Variants in ACYP2 observed in about 807,000 individuals in gnomAD.
ACYP2 encodes acylphosphatase-2.
In ACYP2, 12 loss-of-function variants were observed where a neutral mutation model predicts 11.2. The ratio of observed to expected loss-of-function variants is 1.08; its 90% CI spans 0.69 to 1.74. The LOEUF (loss-of-function observed/expected upper bound fraction) is 1.74. Among genes scored for constraint, ACYP2 ranks in the 40% most tolerant of loss-of-function variants. The pLI is 0.00. For missense variants in ACYP2, 134 were observed against 101.9 expected (o/e 1.31, Z -1.35); for synonymous variants, 43 against 32.2 (o/e 1.33, Z -1.13).
In ACYP2 at chr2:54,094,593, A is replaced by G. The variant is rs1258043714; in HGVS notation, c.277+37233A>G. On this transcript the variant is annotated intron_variant, in intron 4 of 6. Transcript: ENST00000607452. ...TGCTCTATCGCCCAGGCTGGAAGGC[A>G]GTGGCACCATCTCGGCTCACTGCAG... Among the ~76,000 whole-genome samples, 3 of 150,350 alleles carry G rather than the reference A, an allele frequency of 2.0e-5. No homozygotes were observed. The East Asian group carries it at 6.0e-4, about 30-fold the overall frequency.
At chr2:54,263,057 G>A (rs1687850824) in intron 6 of ACYP2, among the ~76,000 whole-genome samples, 1 of 152,124 alleles carries the variant, frequency 6.6e-6, no homozygotes, top group African/African-American at 2.4e-5. Flanking sequence ...TGTGTGTTAG[G>A]TCATTCTTGA....
chr2:54,293,345 T>G (rs1397470285), intron 6 of ACYP2, among the ~76,000 whole-genome samples: 2 of 152,238 alleles, frequency 1.3e-5, no homozygotes, highest in Non-Finnish European at 2.9e-5. Context: ...TTACAGGTTA[T>G]AGTCATCCCC....
chr2:54,020,816 G>A (rs1673968085), intron 2 of ACYP2, among the ~76,000 whole-genome samples: 1 of 152,162 alleles, frequency 6.6e-6, no homozygotes, highest in South Asian at 2.1e-4. Flanking sequence ...TTTTTGAATA[G>A]CATCTATGTT....
At chr2:54,076,696 A>T (rs11125520) in intron 4 of ACYP2, among the ~76,000 whole-genome samples, 56,944 of 152,024 alleles carry the variant, frequency 0.37, 11,434 homozygotes, top group East Asian at 0.68. Context: ...GAACTCATAG[A>T]CCTGGAGATG....
intron 6 of ACYP2, among the ~76,000 whole-genome samples, chr2:54,291,381 G>A (rs1007933254): frequency 6.6e-6 from 1 of 151,954 alleles, no homozygotes; most frequent in South Asian, 2.1e-4. Flanking sequence ...ATACAGACCG[G>A]CAAAAAAAAT....
chr2:54,253,314 A>G (rs1424280020), intron 6 of ACYP2: 3 of 152,266 alleles, frequency 2.0e-5, no homozygotes, highest in Non-Finnish European at 4.4e-5. Flanking sequence ...GAAAACTGCC[A>G]TGAATATCCA....
At chr2:54,229,597 C>T (rs1392180204) in intron 6 of ACYP2, among the ~76,000 whole-genome samples, 1 of 152,016 alleles carries the variant, frequency 6.6e-6, no homozygotes, top group South Asian at 2.1e-4. Flanking sequence ...TTTGCTAATT[C>T]CATCCTCTTT....
chr2:54,171,515 A>T (rs1012927934), intron 6 of ACYP2, among the ~76,000 whole-genome samples: 1 of 152,226 alleles, frequency 6.6e-6, no homozygotes, highest in African/African-American at 2.4e-5. Flanking sequence ...GTTGTATAAG[A>T]ATCACAATGT....
intron 4 of ACYP2, among the ~76,000 whole-genome samples, chr2:54,113,191 A>C (rs1232151777): frequency 1.3e-5 from 2 of 152,074 alleles, no homozygotes; most frequent in African/African-American, 4.8e-5. Context: ...TGTATTGTTC[A>C]GGGAATGATG....
intron 4 of ACYP2, among the ~76,000 whole-genome samples, chr2:54,089,341 T>C (rs1445656411): frequency 6.6e-6 from 1 of 152,140 alleles, no homozygotes; most frequent in Non-Finnish European, 1.5e-5. Flanking sequence ...CCTGTGATCC[T>C]AGCACTTTGT....
At chr2:54,230,305 T>C (rs1051729963) in intron 6 of ACYP2, among the ~76,000 whole-genome samples, 9 of 152,168 alleles carry the variant, frequency 5.9e-5, no homozygotes, top group African/African-American at 2.2e-4. Flanking sequence ...ATCTGAGAGC[T>C]TCCTCTGCAC....
chr2:54,219,224 G>C lies in ACYP2; in HGVS notation c.404+80476G>C, dbSNP rs559702007. Among the ~76,000 whole-genome samples the C allele has an allele frequency of 8.5e-5, 13 of 152,276 alleles. No individual in the cohort carries two copies. In the South Asian group the frequency reaches 2.7e-3, roughly 32 times the overall value. ...CTAGAAAATCTTCAGTGTAAGAGGT[G>C]GGACTTGAGCAGACCCTTAAGAGAT... On this transcript the variant is annotated intron_variant, in intron 6 of 6. Coordinates refer to ENST00000607452, the MANE Select transcript of ACYP2 (RefSeq NM_001320586.2).
At chr2:54,244,584 A>C (rs1686870541) in intron 6 of ACYP2, among the ~76,000 whole-genome samples, 1 of 152,098 alleles carries the variant, frequency 6.6e-6, no homozygotes, top group African/African-American at 2.4e-5. Flanking sequence ...CTATTTCTGA[A>C]TTTCCTGTTC....
At position 54,197,369 on chromosome 2, in the gene ACYP2, C is replaced by T. The variant is rs756951263; in HGVS notation, c.404+58621C>T. On this transcript the variant is annotated intron_variant, in intron 6 of 6. Coordinates refer to ENST00000607452, the MANE Select transcript of ACYP2 (RefSeq NM_001320586.2). ...GGGGGAGGAAGCTGGAACTTCTCCA[C>T]GTACTCCCATCTTCCCCAGGGGCAT... Among the ~76,000 whole-genome samples, 11 of 152,194 alleles carry T rather than the reference C, an allele frequency of 7.2e-5. No homozygotes were observed. In the East Asian group the frequency reaches 7.7e-4, roughly 11 times the overall value.
intron 1 of ACYP2, among the ~76,000 whole-genome samples, chr2:53,971,681 G>A (rs1470444057): frequency 6.6e-6 from 1 of 152,196 alleles, no homozygotes; most frequent in Non-Finnish European, 1.5e-5. Context: ...TGCTAGATAA[G>A]TACAAGAATC....
intron 6 of ACYP2, among the ~76,000 whole-genome samples, chr2:54,140,768 T>C (rs1053302008): frequency 4.6e-5 from 7 of 152,158 alleles, no homozygotes; most frequent in African/African-American, 9.7e-5. Flanking sequence ...AATGCATTTT[T>C]TTCTGTCTTG....
chr2:54,201,634 TTC>T (rs375404647), intron 6 of ACYP2, among the ~76,000 whole-genome samples: 12,080 of 63,246 alleles, frequency 0.19, 767 homozygotes, highest in South Asian at 0.31. Flanking sequence ...GTTTCTTTCT[TTC>T]TCTTTCTTTC....
At chr2:54,030,934 C>T (rs927348942) in intron 2 of ACYP2, among the ~76,000 whole-genome samples, 8 of 152,098 alleles carry the variant, frequency 5.3e-5, no homozygotes, top group African/African-American at 1.9e-4. Flanking sequence ...AAGGTCAGAT[C>T]TGTGCCAATC....
At chr2:54,092,343 T>C (rs758063563) in intron 4 of ACYP2, among the ~76,000 whole-genome samples, 10 of 152,142 alleles carry the variant, frequency 6.6e-5, no homozygotes, top group African/African-American at 1.2e-4. Flanking sequence ...TGCTTCATGG[T>C]GGGACAGAGA....
Sources: allele counts gnomAD v4.1 joint callset (sites outside exome capture counted in the v4.1 genomes callset), GRCh38; gene constraint gnomAD v4.1.1; transcripts MANE v1.5; gene names NCBI Gene and HGNC (gene_info 2026-07-23, HGNC 2026-07-21).